VRK2: variants seen among roughly 807,000 people sequenced by gnomAD.
VRK2 encodes serine/threonine-protein kinase VRK2.
In VRK2, 60 loss-of-function variants were observed where a neutral mutation model predicts 57.6. The ratio of observed to expected loss-of-function variants is 1.04; its 90% CI spans 0.85 to 1.29. The LOEUF (loss-of-function observed/expected upper bound fraction) is 1.29. Ranked by LOEUF, VRK2 falls within the 50% of genes most tolerant of loss-of-function variation. The pLI is 0.00. For synonymous variants in VRK2, 231 were observed against 199.2 expected, an observed-to-expected ratio of 1.16 and a Z score of -1.35; for missense variants, 705 against 588.1, an observed-to-expected ratio of 1.20 and a Z score of -2.06.
intron 1 of VRK2, among the ~76,000 whole-genome samples, chr2:57,976,537 T>A (rs930465820): frequency 5.9e-5 from 9 of 152,146 alleles, no homozygotes; most frequent in African/African-American, 2.2e-4. Context: ...TTCATGCCAG[T>A]TACTCACTTT....
intron 3 of VRK2, among the ~76,000 whole-genome samples, chr2:58,037,496 T>C (rs1309155482): frequency 1.3e-5 from 2 of 152,040 alleles, no homozygotes; most frequent in South Asian, 2.1e-4. Flanking sequence ...TCCATAAATA[T>C]CTGCATGTTT....
rs181561119 is a variant in VRK2, at chr2:58,017,526, T to G, written c.-438-8139T>G. Among the ~76,000 whole-genome samples the G allele has an allele frequency of 2.0e-4, 30 of 152,350 alleles. No individual in the cohort carries two copies. The East Asian group carries it at 5.4e-3, about 27-fold the overall frequency. Reference sequence around the variant, plus strand: ...CTCCGCTGGGGCCTCTTCATGGCCTTCTTTCCTGTTATCCAACACTGCTAA... The same window carrying G: ...CTCCGCTGGGGCCTCTTCATGGCCTGCTTTCCTGTTATCCAACACTGCTAA... On this transcript the variant is annotated intron_variant, in intron 1 of 15. Transcript: ENST00000417641.
At position 58,136,810 on chromosome 2, in the gene VRK2, TATATC is replaced by T. The variant is rs1366635352; in HGVS notation, c.856+1616_856+1620del. On this transcript the variant is annotated intron_variant, in intron 10 of 12. Transcript: ENST00000340157. ...TATATATATCATATATATGTGTATA[TATATC>T]ATATATGTGTGTATATATATCATAT... Among the ~76,000 whole-genome samples the T allele has an allele frequency of 2.2e-4, 29 of 132,184 alleles. No homozygotes were observed. In the East Asian group the frequency reaches 6.1e-3, roughly 28 times the overall value. The allele number at this position is 132,184 out of a possible 152,430, so 86.7% of individuals were successfully genotyped here.
intron 7 of VRK2, among the ~76,000 whole-genome samples, chr2:58,118,803 C>G (rs1041168400): frequency 6.6e-6 from 1 of 151,850 alleles, no homozygotes; most frequent in Non-Finnish European, 1.5e-5. Context: ...AGAGAGTCAG[C>G]GAAGGGAGAT....
intron 3 of VRK2, among the ~76,000 whole-genome samples, chr2:58,036,702 C>T (rs939041899): frequency 3.9e-5 from 6 of 152,048 alleles, no homozygotes; most frequent in South Asian, 2.1e-4. Context: ...ATATATATCA[C>T]GCTATATTCT....
intron 2 of VRK2, among the ~76,000 whole-genome samples, chr2:58,065,634 G>A (rs921795794): frequency 5.3e-5 from 8 of 151,896 alleles, no homozygotes; most frequent in South Asian, 2.1e-4. Flanking sequence ...CCAGAACAAC[G>A]ACAACAAAAA....
intron 4 of VRK2, among the ~76,000 whole-genome samples, chr2:58,085,174 A>G (rs757083351): frequency 6.6e-6 from 1 of 151,962 alleles, no homozygotes; most frequent in Non-Finnish European, 1.5e-5. Flanking sequence ...AGTTGTTTCT[A>G]CTACTTTACA....
chr2:58,095,222 A>C (rs952384022), intron 7 of VRK2, among the ~76,000 whole-genome samples: 4 of 148,158 alleles, frequency 2.7e-5, no homozygotes, highest in Non-Finnish European at 4.4e-5. Flanking sequence ...TGAACCCGGG[A>C]GGCGGAGCTT....
At chr2:58,032,913 TC>T (rs1346273535) in intron 2 of VRK2, among the ~76,000 whole-genome samples, 1 of 152,106 alleles carries the variant, frequency 6.6e-6, no homozygotes, top group Admixed American at 6.6e-5. Flanking sequence ...AAGTAGCAAA[TC>T]TGCTTCACGT....
chr2:58,106,602 A>G (rs985216056), intron 7 of VRK2, among the ~76,000 whole-genome samples: 2 of 152,048 alleles, frequency 1.3e-5, no homozygotes, highest in South Asian at 4.1e-4. Context: ...TGAGCATGTC[A>G]TTAAGTCTTT....
At chr2:58,102,286 T>C (rs1474598842) in intron 7 of VRK2, among the ~76,000 whole-genome samples, 1 of 151,406 alleles carries the variant, frequency 6.6e-6, no homozygotes, top group East Asian at 1.9e-4. Flanking sequence ...AATACTCCAA[T>C]TAAAATACAC....
At chr2:58,009,527 G>A (rs1271350046) in intron 1 of VRK2, among the ~76,000 whole-genome samples, 1 of 148,946 alleles carries the variant, frequency 6.7e-6, no homozygotes, top group Non-Finnish European at 1.5e-5. Flanking sequence ...GACAGATCTA[G>A]TATGTCTTCT....
chr2:57,977,940 T>A (rs1019256046), intron 1 of VRK2, among the ~76,000 whole-genome samples: 1 of 151,278 alleles, frequency 6.6e-6, no homozygotes, highest in Non-Finnish European at 1.5e-5. Flanking sequence ...GTGTTGAATT[T>A]TATCTAAAGC....
At chr2:57,964,260 AAAGT>A (rs1340473342) in intron 1 of VRK2, among the ~76,000 whole-genome samples, 1 of 152,242 alleles carries the variant, frequency 6.6e-6, no homozygotes, top group African/African-American at 2.4e-5. Flanking sequence ...TTCTTATAAT[AAAGT>A]AAGCTAGAGA....
At chr2:57,946,990 G>C (rs1007913771) in intron 1 of VRK2, among the ~76,000 whole-genome samples, 4 of 152,050 alleles carry the variant, frequency 2.6e-5, no homozygotes, top group African/African-American at 9.7e-5. Flanking sequence ...AAAATTTTTT[G>C]TCCATCTTAA....
chr2:58,123,723 T>C (rs1275634532), intron 8 of VRK2, among the ~76,000 whole-genome samples: 1 of 151,874 alleles, frequency 6.6e-6, no homozygotes, highest in African/African-American at 2.4e-5. Context: ...GGGTTGGCAC[T>C]TGCCTGTAGT....
chr2:57,909,591 C>T (rs1157303228), intron 1 of VRK2, among the ~76,000 whole-genome samples: 1 of 152,112 alleles, frequency 6.6e-6, no homozygotes, highest in Non-Finnish European at 1.5e-5. Context: ...AAATTCCAAA[C>T]TGAAATATTT....
At chr2:58,049,155 T>G (rs1675330559) in intron 2 of VRK2, among the ~76,000 whole-genome samples, 188 bp downstream of exon 2, 2 of 152,182 alleles carry the variant, frequency 1.3e-5, no homozygotes, top group Admixed American at 6.5e-5. Flanking sequence ...CACTCCTTGT[T>G]GTCCATGTTT....
At chr2:57,951,136 A>T (rs1389739250) in intron 1 of VRK2, among the ~76,000 whole-genome samples, 1 of 152,124 alleles carries the variant, frequency 6.6e-6, no homozygotes, top group Non-Finnish European at 1.5e-5. Flanking sequence ...TCATGGGAGG[A>T]GTTCAAAATA....
Sources: allele counts gnomAD v4.1 joint callset (sites outside exome capture counted in the v4.1 genomes callset), GRCh38; gene constraint gnomAD v4.1.1; transcripts MANE v1.5; gene names NCBI Gene and HGNC (gene_info 2026-07-23, HGNC 2026-07-21).